Variants in CLCN6 observed in about 807,000 individuals in gnomAD.
CLCN6 encodes Cl-/H+ antiporter 6, also known as H(+)/Cl(-) exchange transporter 6.
Under a neutral mutation model 109.8 loss-of-function variants are expected in CLCN6, and 70 were observed. The ratio of observed to expected loss-of-function variants is 0.64; its 90% CI spans 0.53 to 0.78. The LOEUF (loss-of-function observed/expected upper bound fraction) is 0.78. Among genes scored for constraint, CLCN6 ranks in the 30% least tolerant of loss-of-function variants. The pLI, the probability that CLCN6 is intolerant of heterozygous loss-of-function variation, is 0.00. For missense variants in CLCN6, 984 were observed against 1,142.3 expected (o/e 0.86, Z 2.00); for synonymous variants, 444 against 447.8 (o/e 0.99, Z 0.11).
At chr1:11,818,637 G>A (rs1034693295) in intron 4 of CLCN6, among the ~76,000 whole-genome samples, 1 of 152,222 alleles carries the variant, frequency 6.6e-6, no homozygotes, top group African/African-American at 2.4e-5. Context: ...GAAGGCCAGA[G>A]TTAAAGGCAA....
At chr1:11,838,858 C>T (rs894664541) in intron 22 of CLCN6, 198 bp downstream of exon 22, 5 of 784,274 alleles carry the variant, frequency 6.4e-6, no homozygotes, top group South Asian at 1.4e-5. Flanking sequence ...ATGGCACCAG[C>T]GTCCCACTGG....
At position 11,824,550 on chromosome 1, in the gene CLCN6, T is replaced by A; in HGVS notation, c.645T>A (p.Pro215=). 6.2e-7 allele frequency: 1 copy of A among 1,613,266 alleles called. No homozygotes were observed. The highest frequency in any genetic ancestry group is 8.5e-7 in the Non-Finnish European group (1 of 1,179,500). Residue 215 remains proline, a synonymous_variant, in exon 8 of 23, where the codon CCT becomes CCA. Transcript: ENST00000346436. ...HSGSVVGAGL[P]QFQSISLRKI... ...GTTCGGTGGTGGGAGCTGGCCTCCC[T>A]CAGGTAAGATGGGCTGAGAGGGTGT... is the stretch of plus-strand genomic sequence containing the variant.
intron 2 of CLCN6, among the ~76,000 whole-genome samples, chr1:11,811,339 A>T (rs951617591): frequency 6.6e-6 from 1 of 152,328 alleles, no homozygotes; most frequent in Admixed American, 6.5e-5. Context: ...ATGGGGTTTT[A>T]AAAATTAGTA....
rs1039380090 is a variant in CLCN6 at position 11,806,359 on chromosome 1, C to T, written c.87+10C>T. On this transcript the variant is annotated intron_variant, in intron 1 of 22. Transcript: ENST00000346436. ...CACCCCCGAGGAGCTGGTAAGAAGC[C>T]GGCGGAGTCGGCCTGGGGAGGGGGC... 4.6e-6 allele frequency: 7 copies of T among 1,505,492 alleles called. No homozygotes were observed. Among genetic ancestry groups the T allele is most frequent in the Non-Finnish European group, 6.1e-6 (7 of 1,139,228 alleles). 93.3% of individuals were successfully genotyped at this position (1,505,492 alleles called of 1,614,324 possible).
rs1644921571 is a variant in CLCN6 at position 11,834,562 on chromosome 1, G to C, written c.1765G>C (p.Glu589Gln). ...HVGLRGVPLLEWETEVEMDKL... is the reference protein window; with the variant it reads ...HVGLRGVPLLQWETEVEMDKL... ...GGGCCTGCGAGGCGTGCCGCTTCTG[G>C]AATGGGAGACAGAGGTGGAAATGGA... Residue 589 changes from glutamate (E) to glutamine (Q), a missense_variant, in exon 17 of 23, where the codon GAA becomes CAA. Glu to Gln is a conservative substitution (Grantham distance 29). Transcript: ENST00000346436. The surrounding 1 kb of genome is among the most constrained non-coding windows in gnomAD (Gnocchi z 4.5). The C allele has an allele frequency of 6.2e-7, 1 of 1,614,030 alleles. No homozygotes were observed. Among genetic ancestry groups the C allele is most frequent in the Non-Finnish European group, 8.5e-7 (1 of 1,180,046 alleles).
chr1:11,827,011 CATG>C (rs1644819623), intron 9 of CLCN6, 75 bp from the exon 10 acceptor site: 1 of 1,548,454 alleles, frequency 6.5e-7, no homozygotes, highest in South Asian at 1.2e-5. Flanking sequence ...AGAAAATGTT[CATG>C]ATAAGGAAGT....
chr1:11,810,761 C>T (rs1483374130), intron 2 of CLCN6, among the ~76,000 whole-genome samples: 1 of 151,802 alleles, frequency 6.6e-6, no homozygotes, highest in South Asian at 2.1e-4. Context: ...CCAAACTCAA[C>T]TAATTTATTT....
At position 11,810,616 on chromosome 1, in the gene CLCN6, A is replaced by G. The variant is rs1418313299; in HGVS notation, c.147+3426A>G. On this transcript the variant is annotated intron_variant, in intron 2 of 22. Transcript: ENST00000346436. ...GACACAGATAACATTTTATTTTTTT[A>G]AAAAGTTGTTAGTCCCCTAAACCAA... Among the ~76,000 whole-genome samples the G allele has an allele frequency of 9.9e-5, 15 of 152,160 alleles. 1 individual carries two copies. Among genetic ancestry groups the G allele is most frequent in the Admixed American group, 9.2e-4 (14 of 15,276 alleles).
At chr1:11,832,020 T>C (rs140208698) in intron 13 of CLCN6, among the ~76,000 whole-genome samples, 503 of 152,380 alleles carry the variant, frequency 3.3e-3, no homozygotes, top group Non-Finnish European at 6.2e-3. Flanking sequence ...ATAAGTGTTA[T>C]AAATGTTTGG....
At chr1:11,810,854 C>A (rs1644589540) in intron 2 of CLCN6, among the ~76,000 whole-genome samples, 2 of 152,062 alleles carry the variant, frequency 1.3e-5, no homozygotes, top group African/African-American at 4.8e-5. Context: ...TCGCTTAAAG[C>A]CAGGAGTTCA....
chr1:11,833,563 G>A lies in CLCN6; in HGVS notation c.1297G>A (p.Asp433Asn), dbSNP rs764206454. ...TATCAAGACATTTTTTTGTCCCAAT[G>A]ATACCTACAATGACATGGCCACACT... ...SSIKTFFCPN[D>N]TYNDMATLFF... The change falls in exon 14 of 23, where the codon GAT becomes AAT. Residue 433 changes from aspartate (D) to asparagine (N), a missense_variant. Coordinates refer to ENST00000346436, the MANE Select transcript of CLCN6 (RefSeq NM_001286.5). The A allele has an allele frequency of 1.2e-6, 2 of 1,613,908 alleles. No individual in the cohort carries two copies. The highest frequency in any genetic ancestry group is 1.1e-5 in the South Asian group (1 of 91,070).
At chr1:11,839,575 C>T (rs554879564) in intron 22 of CLCN6, among the ~76,000 whole-genome samples, 1 of 152,360 alleles carries the variant, frequency 6.6e-6, no homozygotes, top group South Asian at 2.1e-4. Flanking sequence ...GTCTTTTCTT[C>T]TATGCGGCAC....
chr1:11,817,373 G>A (rs1213728562), intron 4 of CLCN6, among the ~76,000 whole-genome samples: 2 of 152,190 alleles, frequency 1.3e-5, no homozygotes, highest in Non-Finnish European at 2.9e-5. Context: ...GGGAGTTTAT[G>A]GTGCTATCCT....
chr1:11,840,369 C>T lies in CLCN6; in HGVS notation c.*146C>T. On this transcript the variant is annotated 3_prime_UTR_variant, in exon 23 of 23. Coordinates refer to ENST00000346436, the MANE Select transcript of CLCN6 (RefSeq NM_001286.5). ...AAGCCGGGAGTCATCGGACACCTTG[C>T]TGGTCAGAGGTCCTGGGGGTGGTTT... The T allele has an allele frequency of 1.4e-6, 1 of 737,434 alleles. No individual in the cohort carries two copies. Among genetic ancestry groups the T allele is most frequent in the South Asian group, 1.5e-5 (1 of 65,492 alleles). The allele number at this position is 737,434 out of a possible 1,614,324, so 45.7% of individuals were successfully genotyped here. A position where few individuals can be genotyped will look rare whatever the true frequency, so the allele number is the denominator to read the frequency against.
intron 8 of CLCN6, among the ~76,000 whole-genome samples, 157 bp downstream of exon 8, chr1:11,824,710 A>G (rs1443803175): frequency 1.3e-5 from 2 of 152,234 alleles, no homozygotes. Context: ...AGGAAAGGGC[A>G]TAACTTATAC....
In CLCN6 at chr1:11,815,905, T is replaced by TAATA. The variant is rs1644663348; in HGVS notation, c.209_212dup (p.Lys72Ter). 5 of 1,610,014 alleles carry TAATA rather than the reference T, an allele frequency of 3.1e-6. No individual in the cohort carries two copies. Among genetic ancestry groups the TAATA allele is most frequent in the Non-Finnish European group, 4.3e-6 (5 of 1,176,184 alleles). ...ACCTGGAAGTTTTGGAGACCATGGA[T>TAATA]AATAAGGTGGGTCTTACAATTCTTC... On this transcript the variant is annotated frameshift_variant, in exon 3 of 23. Transcript: ENST00000346436. LOFTEE classifies it high-confidence loss of function.
chr1:11,826,588 T>TA lies in CLCN6; in HGVS notation c.707+375dup, dbSNP rs537365731. Among the ~76,000 whole-genome samples the TA allele has an allele frequency of 1.8e-4, 28 of 152,334 alleles. No homozygotes were observed. The South Asian group carries it at 3.7e-3, about 20-fold the overall frequency. On this transcript the variant is annotated intron_variant, in intron 9 of 22. Coordinates refer to ENST00000346436, the MANE Select transcript of CLCN6 (RefSeq NM_001286.5). ...ACTCTTAGTAGACTTCTTAGCCCTG[T>TA]ATCAGATGTGTGTGTTACTGACCTG...
At chr1:11,816,026 T>A in intron 3 of CLCN6, 115 bp downstream of exon 3, 1 of 786,374 alleles carries the variant, frequency 1.3e-6, no homozygotes, top group Non-Finnish European at 2.2e-6. Context: ...AACCTTTTCA[T>A]GCGATACAGG....
intron 2 of CLCN6, among the ~76,000 whole-genome samples, chr1:11,809,098 G>A (rs1644563225): frequency 6.6e-6 from 1 of 152,124 alleles, no homozygotes; most frequent in South Asian, 2.1e-4. Flanking sequence ...CTGACCTCAG[G>A]TGATACTGCT....
Sources: gnomAD v4.1 joint callset for allele counts (sites outside exome capture counted in the v4.1 genomes callset) on GRCh38, gnomAD v4.1.1 for gene constraint, Gnocchi (gnomAD v3.1) non-coding constraint, MANE v1.5 for transcripts, NCBI Gene and HGNC (gene_info 2026-07-23, HGNC 2026-07-21) for gene names.